The following SLC25A48 variants were observed in gnomAD, a reference collection of about 807,000 sequenced individuals.
SLC25A48 encodes the protein solute carrier family 25 member 48.
A neutral mutation model predicts 32.2 loss-of-function variants in SLC25A48; 29 were observed. That is an observed-to-expected ratio of 0.90 (90% CI 0.67 to 1.23). The LOEUF is 1.23. Among genes scored for constraint, SLC25A48 ranks in the 50% most tolerant of loss-of-function variants. The pLI is 0.00. For synonymous variants in SLC25A48, 164 were observed against 172.3 expected (o/e 0.95, Z 0.38); for missense variants, 399 against 422.7 (o/e 0.94, Z 0.49).
At chr5:135,597,325 C>A (rs771817874) in intron 1 of SLC25A48, among the ~76,000 whole-genome samples, 1 of 152,140 alleles carries the variant, frequency 6.6e-6, no homozygotes, top group Non-Finnish European at 1.5e-5. Context: ...ACAGGGTGGC[C>A]ACTGATGGGC....
At position 135,783,910 on chromosome 5, in the gene SLC25A48, C is replaced by A. The variant is rs1250337971; in HGVS notation, c.-520-28613C>A. ...GGTGGGGAGAAAATGATATTATTCC[C>A]AATATTGCAAGGAGTGTACACTCCC... On this transcript the variant is annotated intron_variant, in intron 3 of 10. Coordinates refer to the SLC25A48 transcript ENST00000646290. 2.5e-5 allele frequency among the ~76,000 whole-genome samples: 3 copies of A among 118,022 alleles called. 1 individual carries two copies. The highest frequency in any genetic ancestry group is 7.7e-5 in the African/African-American group (3 of 38,798). 77.4% of individuals were successfully genotyped at this position (118,022 alleles called of 152,430 possible).
chr5:135,733,559 T>C (rs35377208), intron 3 of SLC25A48, among the ~76,000 whole-genome samples: 44,035 of 151,926 alleles, frequency 0.29, 6,523 homozygotes, highest in East Asian at 0.46. Context: ...GAGTTGAGCA[T>C]AGTTTGTGAT....
intron 3 of SLC25A48, among the ~76,000 whole-genome samples, chr5:135,713,720 C>G (rs1399373738): frequency 3.9e-5 from 6 of 152,148 alleles, no homozygotes; most frequent in Non-Finnish European, 7.4e-5. Context: ...TCCTCCCTCC[C>G]CCATCATATT....
intron 1 of SLC25A48, among the ~76,000 whole-genome samples, chr5:135,597,702 GC>G (rs1272230254): frequency 2.0e-5 from 3 of 152,200 alleles, no homozygotes; most frequent in African/African-American, 7.2e-5. Flanking sequence ...AATGTGTTGA[GC>G]TTTCCAAAGT....
chr5:135,888,230 C>A lies in SLC25A48; in HGVS notation c.*206C>A. Reference sequence around the variant, plus strand: ...TCACTGATTCAAGCCCTCCAAGGTTCTGATCCCCAATGCCCACTCTGCTAG... The same window carrying A: ...TCACTGATTCAAGCCCTCCAAGGTTATGATCCCCAATGCCCACTCTGCTAG... On this transcript the variant is annotated 3_prime_UTR_variant, in exon 8 of 8. Transcript: ENST00000681962. 1 of 677,122 alleles carries A rather than the reference C, an allele frequency of 1.5e-6. No homozygotes were observed. The highest frequency in any genetic ancestry group is 2.5e-6 in the Non-Finnish European group (1 of 407,178). The allele number at this position is 677,122 out of a possible 1,614,324, so 41.9% of individuals were successfully genotyped here.
At chr5:135,610,597 A>T (rs534221569) in intron 1 of SLC25A48, among the ~76,000 whole-genome samples, 28 of 152,302 alleles carry the variant, frequency 1.8e-4, no homozygotes, top group African/African-American at 5.5e-4. Context: ...CAATTGAATT[A>T]TTGTGGAATG....
intron 3 of SLC25A48, chr5:135,802,977 C>T (rs1757370891): frequency 6.6e-6 from 1 of 151,160 alleles, no homozygotes; most frequent in African/African-American, 2.4e-5. Context: ...TCTAATATCA[C>T]AGTAGGGTAC....
At chr5:135,698,009 C>G (rs1316462223) in intron 3 of SLC25A48, among the ~76,000 whole-genome samples, 1 of 152,238 alleles carries the variant, frequency 6.6e-6, no homozygotes. Flanking sequence ...CAGATTGTCA[C>G]TGGGCCATGC....
At chr5:135,770,105 T>G (rs546558601) in intron 3 of SLC25A48, among the ~76,000 whole-genome samples, 1 of 151,694 alleles carries the variant, frequency 6.6e-6, no homozygotes, top group South Asian at 2.1e-4. Context: ...ACAATGATAT[T>G]ATTCCTAATA....
chr5:135,768,817 GGAT>G (rs1756318025), intron 3 of SLC25A48, among the ~76,000 whole-genome samples: 1 of 151,722 alleles, frequency 6.6e-6, no homozygotes, highest in Non-Finnish European at 1.5e-5. Flanking sequence ...AGGTAAAAGA[GGAT>G]GATATTACTC....
At chr5:135,737,591 T>A (rs1483188072) in intron 3 of SLC25A48, among the ~76,000 whole-genome samples, 1 of 152,128 alleles carries the variant, frequency 6.6e-6, no homozygotes, top group Non-Finnish European at 1.5e-5. Context: ...AACAGAAACT[T>A]AAAGATGGAA....
At chr5:135,701,003 A>G (rs915809028) in intron 3 of SLC25A48, among the ~76,000 whole-genome samples, 1 of 152,210 alleles carries the variant, frequency 6.6e-6, no homozygotes, top group Non-Finnish European at 1.5e-5. Context: ...GCTGGGCTCC[A>G]TCCTGCCTAT....
intron 3 of SLC25A48, among the ~76,000 whole-genome samples, chr5:135,799,617 G>T (rs1377424849): frequency 6.6e-6 from 1 of 151,342 alleles, no homozygotes; most frequent in Non-Finnish European, 1.5e-5. Flanking sequence ...GCAGGGGCTG[G>T]TCACCCACCA....
intron 3 of SLC25A48, among the ~76,000 whole-genome samples, chr5:135,714,126 A>G (rs572259631): frequency 3.3e-5 from 5 of 152,132 alleles, no homozygotes; most frequent in African/African-American, 9.7e-5. Flanking sequence ...GGCTCCAGCT[A>G]TCCACCTGGA....
At chr5:135,721,878 C>G (rs1414376408) in intron 3 of SLC25A48, among the ~76,000 whole-genome samples, 1 of 152,218 alleles carries the variant, frequency 6.6e-6, no homozygotes, top group Admixed American at 6.5e-5. Flanking sequence ...TTGTGATGCC[C>G]TGGAATTCTT....
At chr5:135,800,262 G>A (rs1757288351) in intron 3 of SLC25A48, among the ~76,000 whole-genome samples, 1 of 151,832 alleles carries the variant, frequency 6.6e-6, no homozygotes, top group Non-Finnish European at 1.5e-5. Flanking sequence ...GAAAAGGAGA[G>A]TTTGATGTTA....
intron 4 of SLC25A48, among the ~76,000 whole-genome samples, chr5:135,814,147 G>T (rs1022289222): frequency 6.6e-6 from 1 of 152,206 alleles, no homozygotes; most frequent in Non-Finnish European, 1.5e-5. Context: ...TTCTCACTGA[G>T]CTGAGGGTCC....
intron 7 of SLC25A48, among the ~76,000 whole-genome samples, chr5:135,882,356 C>T (rs890800591): frequency 3.9e-5 from 6 of 152,120 alleles, no homozygotes; most frequent in Admixed American, 1.3e-4. Flanking sequence ...TTGGGGAAGC[C>T]CATGCTCAGG....
At chr5:135,656,935 T>C (rs970285023) in intron 3 of SLC25A48, among the ~76,000 whole-genome samples, 1 of 152,200 alleles carries the variant, frequency 6.6e-6, no homozygotes, top group Non-Finnish European at 1.5e-5. Flanking sequence ...AACAATAATA[T>C]GCTGTCTGAA....
Sources: allele counts gnomAD v4.1 joint callset (sites outside exome capture counted in the v4.1 genomes callset), GRCh38; gene constraint gnomAD v4.1.1; transcripts MANE v1.5; gene names NCBI Gene and HGNC (gene_info 2026-07-23, HGNC 2026-07-21).